The following RIMS1 variants were observed in gnomAD, a reference collection of about 807,000 sequenced individuals.
The protein encoded by RIMS1 is regulating synaptic membrane exocytosis 1, also known as regulating synaptic membrane exocytosis protein 1.
A neutral mutation model predicts 214.1 loss-of-function variants in RIMS1; 83 were observed. The ratio of observed to expected loss-of-function variants is 0.39; its 90% CI spans 0.32 to 0.47. The LOEUF (loss-of-function observed/expected upper bound fraction) is 0.47, where lower values mean the gene tolerates loss of function less well. Among genes scored for constraint, RIMS1 ranks in the 20% least tolerant of loss-of-function variants. The probability of loss-of-function intolerance (pLI) is 0.99; values close to 1 mark genes in which losing one functional copy is unlikely to be tolerated. For missense variants in RIMS1, 2,050 were observed against 2,161.8 expected, an observed-to-expected ratio of 0.95 and a Z score of 1.03; for synonymous variants, 793 against 786.8, an observed-to-expected ratio of 1.01 and a Z score of -0.13.
At chr6:72,330,809 C>A (rs1326066290) in intron 28 of RIMS1, among the ~76,000 whole-genome samples, 1 of 151,692 alleles carries the variant, frequency 6.6e-6, no homozygotes, top group Non-Finnish European at 1.5e-5. Context: ...TGATTAGATT[C>A]TATGAACTGC....
At chr6:71,952,389 G>C (rs545663297) in intron 1 of RIMS1, among the ~76,000 whole-genome samples, 23 of 152,244 alleles carry the variant, frequency 1.5e-4, no homozygotes, top group Non-Finnish European at 2.6e-4. Context: ...AATTTTCTAG[G>C]AACTAGAGAT....
intron 6 of RIMS1, among the ~76,000 whole-genome samples, chr6:72,212,595 A>G (rs914369880): frequency 3.9e-5 from 6 of 152,342 alleles, no homozygotes; most frequent in South Asian, 2.1e-4. Context: ...AAATCATTCT[A>G]TGGGCCAATG....
rs748734827 is a variant in RIMS1 at position 72,025,163 on chromosome 6, C to CA, written c.245+56102dup. On this transcript the variant is annotated intron_variant, in intron 2 of 33. Transcript: ENST00000521978. ...AAGTGATCTGCCCGTCTTGCTCTCC[C>CA]AAGTGCTGGGATTACAGACATGAGC... 9.9e-5 allele frequency among the ~76,000 whole-genome samples: 15 copies of CA among 152,234 alleles called. No homozygotes were observed. The East Asian group carries it at 1.9e-3, about 20-fold the overall frequency.
chr6:72,051,243 T>C (rs1824571582), intron 2 of RIMS1, among the ~76,000 whole-genome samples: 1 of 152,148 alleles, frequency 6.6e-6, no homozygotes, highest in Non-Finnish European at 1.5e-5. Flanking sequence ...CCTGGAAATT[T>C]TAGGGTTTTC....
At chr6:72,318,498 C>G (rs1017161797) in intron 28 of RIMS1, among the ~76,000 whole-genome samples, 7 of 152,144 alleles carry the variant, frequency 4.6e-5, no homozygotes, top group African/African-American at 7.2e-5. Context: ...CCCCCATTTG[C>G]ATATTCTTGT....
chr6:72,276,340 T>C (rs2086395732), intron 23 of RIMS1, among the ~76,000 whole-genome samples: 1 of 152,242 alleles, frequency 6.6e-6, no homozygotes. Context: ...TTAAACATGA[T>C]GATCTTTGTA....
At chr6:72,128,440 A>G (rs1235818438) in intron 4 of RIMS1, among the ~76,000 whole-genome samples, 1 of 151,952 alleles carries the variant, frequency 6.6e-6, no homozygotes, top group Non-Finnish European at 1.5e-5. Context: ...TTTAAAAAAA[A>G]TGTATTTGCC....
intron 26 of RIMS1, among the ~76,000 whole-genome samples, chr6:72,303,161 A>G (rs2094802247): frequency 6.6e-6 from 1 of 151,118 alleles, no homozygotes; most frequent in Non-Finnish European, 1.5e-5. Context: ...CAAATATGTG[A>G]TAAGTCAAAG....
rs77046231 is a variant in RIMS1 at position 72,212,751 on chromosome 6, A to G, written c.1679-21022A>G. On this transcript the variant is annotated intron_variant, in intron 6 of 33. Coordinates refer to ENST00000521978, the MANE Select transcript of RIMS1 (RefSeq NM_014989.7). ...CATAGTGTCATCTGGCAGAGAGCTT[A>G]TTTCCTGAATCCTGTGGATCTGGTT... 2.5e-3 allele frequency: 2,319 copies of G among 940,510 alleles called. 7 individuals are homozygous for G. The highest frequency in any genetic ancestry group is 0.01 in the Middle Eastern group (19 of 1,862). The allele number at this position is 940,510 out of a possible 1,614,324, so 58.3% of individuals were successfully genotyped here.
intron 6 of RIMS1, among the ~76,000 whole-genome samples, chr6:72,232,710 T>TA (rs1179664485): frequency 6.6e-6 from 1 of 151,776 alleles, no homozygotes; most frequent in African/African-American, 2.4e-5. Flanking sequence ...AAGCAGTTCC[T>TA]AAAAAATTGA....
intron 6 of RIMS1, among the ~76,000 whole-genome samples, chr6:72,219,137 C>G (rs2057452554): frequency 6.6e-6 from 1 of 152,074 alleles, no homozygotes; most frequent in Admixed American, 6.5e-5. Flanking sequence ...TCTGTAAACA[C>G]TTTTAATAAG....
At chr6:71,911,665 A>G (rs1776974942) in intron 1 of RIMS1, among the ~76,000 whole-genome samples, 1 of 152,136 alleles carries the variant, frequency 6.6e-6, no homozygotes, top group African/African-American at 2.4e-5. Flanking sequence ...AATCTCATTC[A>G]CCAAAGCTTT....
chr6:71,947,116 A>G (rs560515162), intron 1 of RIMS1, among the ~76,000 whole-genome samples: 75 of 152,208 alleles, frequency 4.9e-4, no homozygotes, highest in African/African-American at 1.8e-3. Flanking sequence ...TAAAATGGCT[A>G]ATATAAAAAA....
chr6:71,978,603 CA>C (rs1436246577), intron 2 of RIMS1, among the ~76,000 whole-genome samples: 1 of 151,968 alleles, frequency 6.6e-6, no homozygotes, highest in Admixed American at 6.6e-5. Flanking sequence ...ATGTCATATG[CA>C]AAGGATCTTT....
chr6:71,945,942 G>A (rs1337370166), intron 1 of RIMS1, among the ~76,000 whole-genome samples: 1 of 151,490 alleles, frequency 6.6e-6, no homozygotes, highest in African/African-American at 2.4e-5. Flanking sequence ...GTGGAGATGG[G>A]GTTTCAGAAA....
intron 8 of RIMS1, 38 bp downstream of exon 8, chr6:72,235,766 AT>A: frequency 8.1e-7 from 1 of 1,241,296 alleles, no homozygotes; most frequent in Non-Finnish European, 1.1e-6. Flanking sequence ...TAAAGGGTGA[AT>A]TACAGTATGG....
chr6:72,369,129 T>C (rs2098136356), intron 29 of RIMS1, among the ~76,000 whole-genome samples: 2 of 150,196 alleles, frequency 1.3e-5, no homozygotes, highest in Admixed American at 1.3e-4. Flanking sequence ...ACCAGTAAAA[T>C]TTGAACAAGA....
At chr6:72,244,790 A>G (rs956974300) in intron 10 of RIMS1, among the ~76,000 whole-genome samples, 1 of 152,088 alleles carries the variant, frequency 6.6e-6, no homozygotes, top group Admixed American at 6.5e-5. Flanking sequence ...AATAGTCAAA[A>G]TGACAACTGC....
chr6:72,281,286 G>A (rs2090003399), intron 23 of RIMS1, among the ~76,000 whole-genome samples: 1 of 152,058 alleles, frequency 6.6e-6, no homozygotes, highest in African/African-American at 2.4e-5. Context: ...AGATAATGCA[G>A]ATAAAGTGAA....
Sources: allele counts gnomAD v4.1 joint callset (sites outside exome capture counted in the v4.1 genomes callset), GRCh38; gene constraint gnomAD v4.1.1; transcripts MANE v1.5; gene names NCBI Gene and HGNC (gene_info 2026-07-23, HGNC 2026-07-21).